The following NKAIN2 variants were observed in gnomAD, a reference collection of about 807,000 sequenced individuals.
NKAIN2 encodes sodium/potassium-transporting ATPase subunit beta-1-interacting protein 2.
A neutral mutation model predicts 32.6 loss-of-function variants in NKAIN2; 14 were observed. The observed-to-expected ratio is 0.43, with a 90% confidence interval of 0.28 to 0.67. NKAIN2 has a LOEUF of 0.67. NKAIN2 is among the 30% of genes least tolerant of loss of function. The pLI, the probability that NKAIN2 is intolerant of heterozygous loss-of-function variation, is 0.17. For synonymous variants in NKAIN2, 80 were observed against 87.2 expected (o/e 0.92, Z 0.46); for missense variants, 198 against 258.3 (o/e 0.77, Z 1.60).
At chr6:124,127,505 A>G (rs1033843847) in intron 1 of NKAIN2, among the ~76,000 whole-genome samples, 1 of 152,174 alleles carries the variant, frequency 6.6e-6, no homozygotes, top group African/African-American at 2.4e-5. Context: ...AATAGAATAC[A>G]CTGAGTTTCA....
At chr6:124,194,939 T>C (rs1230773324) in intron 1 of NKAIN2, among the ~76,000 whole-genome samples, 4 of 151,766 alleles carry the variant, frequency 2.6e-5, no homozygotes, top group Non-Finnish European at 5.9e-5. Context: ...AGGGACATCC[T>C]TGGTACCAGC....
At chr6:124,150,310 T>G (rs557028146) in intron 1 of NKAIN2, among the ~76,000 whole-genome samples, 1 of 152,312 alleles carries the variant, frequency 6.6e-6, no homozygotes, top group African/African-American at 2.4e-5. Context: ...AAAAAAATGC[T>G]ATCAAAACTA....
At position 123,981,147 on chromosome 6, in the gene NKAIN2, G is replaced by A. The variant is rs113979316; in HGVS notation, c.54+176893G>A. Among the ~76,000 whole-genome samples the A allele has an allele frequency of 4.0e-3, 607 of 152,256 alleles. 9 individuals carry two copies. The highest frequency in any genetic ancestry group is 0.014 in the African/African-American group (579 of 41,540). On this transcript the variant is annotated intron_variant, in intron 1 of 6. Coordinates refer to ENST00000368417, the MANE Select transcript of NKAIN2 (RefSeq NM_001040214.3). ...CTCTCAAAATGCTGGGATTGCAGGC[G>A]TGAGCCACCACGCCCAGGCCTCAGT...
chr6:123,862,160 G>T (rs561125914), intron 1 of NKAIN2, among the ~76,000 whole-genome samples: 27 of 152,216 alleles, frequency 1.8e-4, no homozygotes, highest in African/African-American at 6.5e-4. Flanking sequence ...TAAAATGGGA[G>T]AATTGTTTAT....
chr6:124,656,165 G>A (rs1784531664), intron 3 of NKAIN2, among the ~76,000 whole-genome samples: 1 of 152,076 alleles, frequency 6.6e-6, no homozygotes, highest in Non-Finnish European at 1.5e-5. Flanking sequence ...CCCCCACAGG[G>A]CTCCCCATGG....
intron 3 of NKAIN2, among the ~76,000 whole-genome samples, chr6:124,549,494 TCTTA>T (rs1420161730): frequency 6.6e-6 from 1 of 152,188 alleles, no homozygotes; most frequent in African/African-American, 2.4e-5. Context: ...TATGTTAATA[TCTTA>T]CTTAACTATA....
At chr6:124,613,813 G>A (rs1238988594) in intron 3 of NKAIN2, among the ~76,000 whole-genome samples, 2 of 152,204 alleles carry the variant, frequency 1.3e-5, no homozygotes, top group African/African-American at 4.8e-5. Flanking sequence ...GAAAGGCAAA[G>A]GCTTGGTTGC....
Position 124,073,571 on chromosome 6 carries a change from T to C in NKAIN2, c.55-209434T>C, listed in dbSNP as rs533539248. Among the ~76,000 whole-genome samples, 18 of 152,328 alleles carry C rather than the reference T, an allele frequency of 1.2e-4. No homozygotes were observed. The South Asian group carries it at 3.7e-3, about 32-fold the overall frequency. ...CAGCTGAGAGCCATGATTGAGACTC[T>C]GTTAGGCTTTAACCTTTCCACAATA... On this transcript the variant is annotated intron_variant, in intron 1 of 6. Coordinates refer to ENST00000368417, the MANE Select transcript of NKAIN2 (RefSeq NM_001040214.3).
At chr6:124,108,295 A>T (rs1246998733) in intron 1 of NKAIN2, among the ~76,000 whole-genome samples, 1 of 152,026 alleles carries the variant, frequency 6.6e-6, no homozygotes, top group Non-Finnish European at 1.5e-5. Context: ...TTTCATATAC[A>T]CGGTGTTCAT....
intron 1 of NKAIN2, among the ~76,000 whole-genome samples, chr6:124,210,826 CAA>C (rs1651204874): frequency 6.6e-6 from 1 of 151,230 alleles, no homozygotes; most frequent in Non-Finnish European, 1.5e-5. Flanking sequence ...CTTATCAGTT[CAA>C]TTAGTTTTTT....
intron 3 of NKAIN2, among the ~76,000 whole-genome samples, chr6:124,567,712 T>A (rs1780973214): frequency 6.6e-6 from 1 of 152,258 alleles, no homozygotes; most frequent in Non-Finnish European, 1.5e-5. Flanking sequence ...AGACCAAGGG[T>A]CTGCAAACCT....
At chr6:124,206,153 G>A (rs1035279348) in intron 1 of NKAIN2, among the ~76,000 whole-genome samples, 2 of 151,918 alleles carry the variant, frequency 1.3e-5, no homozygotes, top group Non-Finnish European at 2.9e-5. Flanking sequence ...AGTGTCAAGT[G>A]TAGCCATCAA....
rs1562377960 is a variant in NKAIN2, at chr6:124,777,976, A to AC, written c.475-13363_475-13362insC. 8.1e-4 allele frequency among the ~76,000 whole-genome samples: 97 copies of AC among 120,064 alleles called. 1 individual carries two copies. Among genetic ancestry groups the AC allele is most frequent in the African/African-American group, 2.5e-3 (83 of 33,426 alleles). The allele number at this position is 120,064 out of a possible 152,430, so 78.8% of individuals were successfully genotyped here. On this transcript the variant is annotated intron_variant, in intron 4 of 6. Transcript: ENST00000368417. ...ACACACACACACACACACACACACAAACACACACACATGTACACAGAGATG... is the reference window on the plus strand; with the variant it reads ...ACACACACACACACACACACACACAACACACACACACATGTACACAGAGATG...
chr6:124,184,998 A>T (rs1452342257), intron 1 of NKAIN2, among the ~76,000 whole-genome samples: 1 of 152,152 alleles, frequency 6.6e-6, no homozygotes, highest in Non-Finnish European at 1.5e-5. Context: ...TCATATTCAA[A>T]TTTATGACAT....
chr6:124,519,765 G>T (rs1779052723), intron 3 of NKAIN2, among the ~76,000 whole-genome samples: 1 of 152,038 alleles, frequency 6.6e-6, no homozygotes, highest in African/African-American at 2.4e-5. Context: ...TTTGAACATT[G>T]GCAATTCTAT....
rs767753199 is a variant in NKAIN2, at chr6:124,023,068, G to GTA, written c.54+218826_54+218827dup. Among the ~76,000 whole-genome samples the GTA allele has an allele frequency of 1.1e-3, 171 of 148,868 alleles. 4 individuals are homozygous for GTA. In the East Asian group the frequency reaches 0.028, roughly 24 times the overall value. On this transcript the variant is annotated intron_variant, in intron 1 of 6. Coordinates refer to ENST00000368417, the MANE Select transcript of NKAIN2 (RefSeq NM_001040214.3). Reference sequence around the variant, plus strand: ...TATGTATGTATGTATGTATGTATAAGTATATATATATATGTGTGTGTATGT... The same window carrying GTA: ...TATGTATGTATGTATGTATGTATAAGTATATATATATATATGTGTGTGTATGT...
At chr6:124,413,591 G>T (rs1261414778) in intron 3 of NKAIN2, among the ~76,000 whole-genome samples, 1 of 152,134 alleles carries the variant, frequency 6.6e-6, no homozygotes, top group Non-Finnish European at 1.5e-5. Flanking sequence ...AAAATATCTT[G>T]CTGGGATTGG....
At chr6:124,697,173 C>A (rs1318729169) in intron 4 of NKAIN2, among the ~76,000 whole-genome samples, 1 of 152,100 alleles carries the variant, frequency 6.6e-6, no homozygotes, top group African/African-American at 2.4e-5. Context: ...ACCTGGGCAT[C>A]TGCAGAATCC....
chr6:123,900,248 G>A (rs1582742282), intron 1 of NKAIN2, among the ~76,000 whole-genome samples: 1 of 152,148 alleles, frequency 6.6e-6, no homozygotes, highest in East Asian at 1.9e-4. Flanking sequence ...GAGGCGGGCG[G>A]ATCATGAGGT....
Sources: gnomAD v4.1 joint callset for allele counts (sites outside exome capture counted in the v4.1 genomes callset) on GRCh38, gnomAD v4.1.1 for gene constraint, MANE v1.5 for transcripts, NCBI Gene and HGNC (gene_info 2026-07-23, HGNC 2026-07-21) for gene names.